The following TUBB8B variants were observed in gnomAD, a reference collection of about 807,000 sequenced individuals.
TUBB8B encodes the protein tubulin beta 8B, also known as HSA18p11 beta-tubulin 4Q pseudogene.
Under a neutral mutation model 31.9 loss-of-function variants are expected in TUBB8B, and 26 were observed. The observed-to-expected ratio is 0.81, with a 90% CI of 0.60 to 1.13. TUBB8B has a LOEUF of 1.13. Among genes scored for constraint, TUBB8B ranks in the 50% most tolerant of loss-of-function variants. The pLI, the probability that TUBB8B is intolerant of heterozygous loss-of-function variation, is 0.00. For synonymous variants in TUBB8B, 173 were observed against 231.0 expected, an observed-to-expected ratio of 0.75 and a Z score of 2.28; for missense variants, 467 against 586.7, an observed-to-expected ratio of 0.80 and a Z score of 2.11.
At chr18:51,327 A>G (rs1333057622), upstream of TUBB8B, among the ~76,000 whole-genome samples, 1 of 144,624 alleles carries the variant, frequency 6.9e-6, no homozygotes, top group African/African-American at 2.6e-5. Context: ...TATAGCTCCT[A>G]TAATTCCTAT....
At chr18:64,873 T>G in the TUBB8B span, among the ~76,000 whole-genome samples, 4 of 152,122 alleles carry the variant, frequency 2.6e-5, no homozygotes. Context: ...CCTAAACTTC[T>G]AATACTTAAT....
At chr18:65,349 A>G in the TUBB8B span, among the ~76,000 whole-genome samples, 1 of 152,152 alleles carries the variant, frequency 6.6e-6, no homozygotes, top group Non-Finnish European at 1.5e-5. Flanking sequence ...GTAATTTCAT[A>G]CTAGCACGTA....
upstream of TUBB8B, among the ~76,000 whole-genome samples, chr18:53,525 G>A (rs1220791144): frequency 6.6e-6 from 1 of 151,768 alleles, no homozygotes; most frequent in African/African-American, 2.4e-5. Context: ...GCTGGAGTGT[G>A]GGGCACCATC....
the TUBB8B span, among the ~76,000 whole-genome samples, chr18:63,612 A>AAGCCCT: frequency 1.3e-5 from 2 of 151,004 alleles, no homozygotes; most frequent in Admixed American, 6.6e-5. Context: ...ACTTTATTAA[A>AAGCCCT]AGCCCTAGCC....
the TUBB8B span, among the ~76,000 whole-genome samples, chr18:60,878 G>A: frequency 6.6e-6 from 1 of 151,422 alleles, no homozygotes; most frequent in African/African-American, 2.4e-5. Flanking sequence ...CATAATATAT[G>A]GTCTATCCTT....
chr18:67,675 C>T, the TUBB8B span, among the ~76,000 whole-genome samples: 1 of 152,048 alleles, frequency 6.6e-6, no homozygotes, highest in Non-Finnish European at 1.5e-5. Context: ...GCTGTTAAAG[C>T]ACTATGTGTG....
rs776272416 is a variant in TUBB8B at position 47,799 on chromosome 18, C to T, written c.926G>A (p.Cys309Tyr). 7.4e-6 allele frequency: 12 copies of T among 1,611,848 alleles called. No individual in the cohort carries two copies. Among genetic ancestry groups the T allele is most frequent in the Non-Finnish European group, 1.0e-5 (12 of 1,179,548 alleles). Residue 309 changes from cysteine to tyrosine, a missense_variant, in exon 4 of 4, where the codon TGC (cysteine) becomes TAC (tyrosine). Cys to Tyr is a radical substitution (Grantham distance 194, BLOSUM62 -2). Around this residue, in one of 2 missense-constraint regions of TUBB8B, gnomAD observed 208 missense variants for 206.7 expected, o/e 1.01. Coordinates refer to ENST00000308911, the MANE Select transcript of TUBB8B (RefSeq NM_001358689.2). ...GAAAATGGCAGCCACCGTTAGGTAG[C>T]AGCCGTGACGGGGGTCACAGGCAGC... ...MMAACDPRHG[C>Y]YLTVAAIFRG...
At chr18:59,760 T>A in the TUBB8B span, among the ~76,000 whole-genome samples, 1 of 151,578 alleles carries the variant, frequency 6.6e-6, no homozygotes, top group African/African-American at 2.4e-5. Context: ...GCCAGGCTGG[T>A]TTTGAACTCC....
At chr18:65,254 T>C in the TUBB8B span, among the ~76,000 whole-genome samples, 44 of 151,930 alleles carry the variant, frequency 2.9e-4, no homozygotes, top group African/African-American at 1.0e-3. Flanking sequence ...TGAGCTGAGA[T>C]CATGCCATTG....
At chr18:63,745 C>T in the TUBB8B span, among the ~76,000 whole-genome samples, 1 of 148,236 alleles carries the variant, frequency 6.7e-6, no homozygotes, top group Admixed American at 6.7e-5. Flanking sequence ...TAACTCTAAC[C>T]CTAACCCTAG....
rs539061012 is a variant in TUBB8B at position 47,477 on chromosome 18, G to C, written c.1248C>G (p.Asn416Lys). The change falls in exon 4 of 4, where the codon AAC becomes AAG. Residue 416 changes from asparagine (N) to lysine (K), a missense_variant. By Grantham distance (94) the Asn-to-Lys change is moderately conservative (BLOSUM62 0). Coordinates refer to ENST00000308911, the MANE Select transcript of TUBB8B (RefSeq NM_001358689.2). ...MEFTEAESNM[N>K]DLVSEYQQYQ... ...ATTGCTGATATTCAGACACCAGGTC[G>C]TTCATGTTGCTCTCGGCCTCGGTGA... is the stretch of plus-strand genomic sequence containing the variant. 1 of 1,469,480 alleles carries C rather than the reference G, an allele frequency of 6.8e-7. No homozygotes were observed. The highest frequency in any genetic ancestry group is 1.7e-5 in the Admixed American group (1 of 58,610). The allele number at this position is 1,469,480 out of a possible 1,614,324, so 91.0% of individuals were successfully genotyped here.
At chr18:61,221 A>G in the TUBB8B span, among the ~76,000 whole-genome samples, 1 of 151,482 alleles carries the variant, frequency 6.6e-6, no homozygotes, top group South Asian at 2.1e-4. Flanking sequence ...ATATCTTCCT[A>G]CAGTCTTTTG....
chr18:57,580 T>G, the TUBB8B span, among the ~76,000 whole-genome samples: 1 of 152,002 alleles, frequency 6.6e-6, no homozygotes, highest in Admixed American at 6.5e-5. Flanking sequence ...TGGCTGGTTT[T>G]GTGTGCTTCT....
upstream of TUBB8B, among the ~76,000 whole-genome samples, chr18:52,407 C>T (rs572300048): frequency 1.3e-5 from 2 of 151,624 alleles, no homozygotes; most frequent in African/African-American, 4.8e-5. Flanking sequence ...CAAATCCATT[C>T]TTCTCAATAT....
the TUBB8B span, among the ~76,000 whole-genome samples, chr18:61,856 T>C: frequency 5.1e-4 from 76 of 150,122 alleles, 1 homozygote; most frequent in Middle Eastern, 0.01. Flanking sequence ...TTGTTTACTC[T>C]TTCTATTTGA....
the TUBB8B span, among the ~76,000 whole-genome samples, chr18:59,673 A>C: frequency 2.0e-5 from 3 of 150,890 alleles, no homozygotes; most frequent in Non-Finnish European, 4.4e-5. Flanking sequence ...CCTTCCAAGT[A>C]ACTGGGATTA....
At chr18:58,780 C>T in the TUBB8B span, among the ~76,000 whole-genome samples, 10 of 151,626 alleles carry the variant, frequency 6.6e-5, 1 homozygote, top group South Asian at 2.1e-4. Flanking sequence ...AAGCTTTTTT[C>T]CCATCACTAT....
chr18:60,375 A>G, the TUBB8B span, among the ~76,000 whole-genome samples: 12 of 151,570 alleles, frequency 7.9e-5, no homozygotes, highest in Admixed American at 6.6e-4. Flanking sequence ...TTTTTTAGCT[A>G]GCTGTCTAAA....
At chr18:70,582 C>T in the TUBB8B span, among the ~76,000 whole-genome samples, 3 of 152,110 alleles carry the variant, frequency 2.0e-5, no homozygotes, top group African/African-American at 7.2e-5. Context: ...TTGCAGTGAG[C>T]GGAGATCGCG....
Sources: gnomAD v4.1 joint callset for allele counts (sites outside exome capture counted in the v4.1 genomes callset) on GRCh38, gnomAD v4.1.1 for gene constraint, gnomAD v4.1.1 regional missense constraint, MANE v1.5 for transcripts, NCBI Gene and HGNC (gene_info 2026-07-23, HGNC 2026-07-21) for gene names.